Variants in HACE1 observed in about 807,000 individuals in gnomAD.
HACE1 encodes the protein E3 ubiquitin-protein ligase HACE1.
HACE1 carries 73 observed loss-of-function variants against 118.4 expected under a neutral mutation model. That is an observed-to-expected ratio of 0.62 (90% confidence interval 0.51 to 0.75). The LOEUF is 0.75. Ranked by LOEUF, HACE1 falls within the 30% of genes least tolerant of loss-of-function variation. The pLI, the probability that HACE1 is intolerant of heterozygous loss-of-function variation, is 0.00. For missense variants in HACE1, 749 were observed against 1,102.2 expected (o/e 0.68, Z 4.54); for synonymous variants, 368 against 374.8 (o/e 0.98, Z 0.21).
At chr6:104,762,313 T>C (rs950351299) in intron 19 of HACE1, among the ~76,000 whole-genome samples, 3 of 152,140 alleles carry the variant, frequency 2.0e-5, no homozygotes, top group Non-Finnish European at 2.9e-5. Context: ...TGTCCATCAA[T>C]GATAGACTGG....
At chr6:104,815,013 C>T (rs1474456725) in intron 6 of HACE1, among the ~76,000 whole-genome samples, 1 of 138,028 alleles carries the variant, frequency 7.2e-6, no homozygotes, top group Admixed American at 7.2e-5. Flanking sequence ...AAATCAGTAC[C>T]AGGAGTGGGA....
At chr6:104,772,118 T>A in intron 17 of HACE1, 44 bp from the exon 18 acceptor site, 2 of 1,117,366 alleles carry the variant, frequency 1.8e-6, no homozygotes, top group South Asian at 1.3e-5. Flanking sequence ...AGAATCTATA[T>A]GCAGAAGAAA....
chr6:104,832,446 T>C (rs559316620), intron 6 of HACE1, among the ~76,000 whole-genome samples: 2 of 152,128 alleles, frequency 1.3e-5, no homozygotes, highest in South Asian at 2.1e-4. Flanking sequence ...CAGGCTGGAG[T>C]ATAGTGGCAC....
chr6:104,818,768 C>T (rs1486533019), intron 6 of HACE1, among the ~76,000 whole-genome samples: 1 of 151,794 alleles, frequency 6.6e-6, no homozygotes, highest in African/African-American at 2.4e-5. Context: ...ATAAGCAGAA[C>T]TAAAGACAAA....
rs547920402 is a variant in HACE1 at position 104,792,824 on chromosome 6, C to T, written c.924-1170G>A. Among the ~76,000 whole-genome samples the T allele has an allele frequency of 1.8e-4, 27 of 152,294 alleles. 1 individual carries two copies. In the South Asian group the frequency reaches 5.4e-3, roughly 30 times the overall value. ...GAAGCCTGTTAGCAATAATATGAAG[C>T]TGTGATCAATCAAGCAGCTGACCAA... On this transcript the variant is annotated intron_variant, in intron 10 of 23. Coordinates refer to ENST00000262903, the MANE Select transcript of HACE1 (RefSeq NM_020771.4).
intron 6 of HACE1, among the ~76,000 whole-genome samples, chr6:104,816,226 C>A (rs1772100007): frequency 6.6e-6 from 1 of 152,226 alleles, no homozygotes; most frequent in Non-Finnish European, 1.5e-5. Flanking sequence ...ATAACCAAGA[C>A]AACAGGAAAA....
At chr6:104,837,393 GACAGCCTTTTCA>G (rs1774649991) in intron 5 of HACE1, among the ~76,000 whole-genome samples, 1 of 152,144 alleles carries the variant, frequency 6.6e-6, no homozygotes, top group African/African-American at 2.4e-5. Context: ...ATGTAGGAAG[GACAGCCTTTTCA>G]ACAAACAGTG....
At chr6:104,757,764 G>A (rs567016671) in intron 19 of HACE1, among the ~76,000 whole-genome samples, 6 of 152,214 alleles carry the variant, frequency 3.9e-5, no homozygotes, top group African/African-American at 1.4e-4. Context: ...AAAGGAGCAT[G>A]TTCTAACCCA....
intron 6 of HACE1, among the ~76,000 whole-genome samples, chr6:104,831,557 C>G (rs1434831081): frequency 1.3e-5 from 2 of 149,152 alleles, no homozygotes; most frequent in African/African-American, 5.0e-5. Flanking sequence ...TGCACTCCAG[C>G]CTGGGTGACA....
In HACE1 at chr6:104,832,898, CA is replaced by C. The variant is rs547712586; in HGVS notation, c.534+143del. 6,286 of 637,158 alleles carry C rather than the reference CA, an allele frequency of 9.9e-3. 1 individual carries two copies. The highest frequency in any genetic ancestry group is 0.01 in the Non-Finnish European group (3,787 of 372,382). 39.5% of individuals were successfully genotyped at this position (637,158 alleles called of 1,614,324 possible). The stretch of plus-strand genomic sequence containing the variant: ...TGGGCAACAAAGTGAGGCCCTGTCT[CA>C]AAAAAAAAAGTCCATATGATGCAGA... On this transcript the variant is annotated intron_variant, in intron 6 of 23. Coordinates refer to ENST00000262903, the MANE Select transcript of HACE1 (RefSeq NM_020771.4).
chr6:104,737,121 TA>T (rs34153414), intron 22 of HACE1, among the ~76,000 whole-genome samples: 63,332 of 142,288 alleles, frequency 0.45, 15,429 homozygotes, highest in African/African-American at 0.69. Flanking sequence ...TCATCTCTAC[TA>T]AAAAAAAAAA....
intron 12 of HACE1, 50 bp from the exon 13 acceptor site, chr6:104,784,535 T>C (rs755030858): frequency 3.2e-6 from 4 of 1,247,070 alleles, no homozygotes; most frequent in Middle Eastern, 1.9e-4. Context: ...GTTTGTGATA[T>C]AATATAGCGA....
At chr6:104,739,006 C>T (rs1776285194) in intron 22 of HACE1, among the ~76,000 whole-genome samples, 1 of 146,110 alleles carries the variant, frequency 6.8e-6, no homozygotes, top group Non-Finnish European at 1.5e-5. Context: ...AGAGTGGGGG[C>T]CAATATTCAA....
At chr6:104,839,036 A>G (rs1454607820) in intron 5 of HACE1, among the ~76,000 whole-genome samples, 2 of 152,192 alleles carry the variant, frequency 1.3e-5, no homozygotes. Context: ...AATGCAAACC[A>G]AAACTACAAT....
chr6:104,815,641 G>A (rs1287349426), intron 6 of HACE1, among the ~76,000 whole-genome samples: 1 of 137,952 alleles, frequency 7.2e-6, no homozygotes, highest in Non-Finnish European at 1.6e-5. Flanking sequence ...GGGATTACAG[G>A]CCTGACCCAG....
At chr6:104,784,304 G>C in intron 13 of HACE1, 113 bp downstream of exon 13, 1 of 891,590 alleles carries the variant, frequency 1.1e-6, no homozygotes, top group South Asian at 1.3e-5. Context: ...AGTTTCATTT[G>C]TTATTGAGCA....
intron 7 of HACE1, among the ~76,000 whole-genome samples, chr6:104,801,748 G>A (rs1030540979): frequency 3.3e-5 from 5 of 152,090 alleles, no homozygotes; most frequent in Non-Finnish European, 5.9e-5. Flanking sequence ...ACCAGCCATG[G>A]CAAAAACATG....
At chr6:104,751,106 T>C (rs975728372) in intron 19 of HACE1, among the ~76,000 whole-genome samples, 1 of 152,166 alleles carries the variant, frequency 6.6e-6, no homozygotes, top group Non-Finnish European at 1.5e-5. Flanking sequence ...CACTCAATTC[T>C]AGTTTCACTG....
At chr6:104,831,984 A>AGAGG (rs201781305) in intron 6 of HACE1, among the ~76,000 whole-genome samples, 3 of 58,504 alleles carry the variant, frequency 5.1e-5, no homozygotes, top group Admixed American at 2.0e-4. Flanking sequence ...AGAAGAGAGG[A>AGAGG]AGGAAGGAAG....
Sources: gnomAD v4.1 joint callset for allele counts (sites outside exome capture counted in the v4.1 genomes callset) on GRCh38, gnomAD v4.1.1 for gene constraint, MANE v1.5 for transcripts, NCBI Gene and HGNC (gene_info 2026-07-23, HGNC 2026-07-21) for gene names.